SUPT3H: variants seen among roughly 807,000 people sequenced by gnomAD.
SUPT3H encodes SPT3 homolog, SAGA and STAGA complex component.
SUPT3H carries 44 observed loss-of-function variants against 44.3 expected under a neutral mutation model. The ratio of observed to expected loss-of-function variants is 0.99; its 90% confidence interval spans 0.78 to 1.28. The LOEUF is 1.28. Among genes scored for constraint, SUPT3H ranks in the 50% most tolerant of loss-of-function variants. The probability of loss-of-function intolerance (pLI) is 0.00; values close to 1 mark genes in which losing one functional copy is unlikely to be tolerated. For synonymous variants in SUPT3H, 124 were observed against 125.6 expected (o/e 0.99, Z 0.09); for missense variants, 380 against 387.1 (o/e 0.98, Z 0.15).
chr6:44,939,682 C>T (rs1772087753), intron 9 of SUPT3H, among the ~76,000 whole-genome samples: 1 of 152,018 alleles, frequency 6.6e-6, no homozygotes, highest in Non-Finnish European at 1.5e-5. Context: ...CCATCTGGTC[C>T]TGAATTCTTT....
intron 10 of SUPT3H, among the ~76,000 whole-genome samples, chr6:44,878,788 G>A (rs1777721140): frequency 6.6e-6 from 1 of 152,088 alleles, no homozygotes; most frequent in Non-Finnish European, 1.5e-5. Context: ...GCCGAAGCAG[G>A]GTGGGGCGTT....
At chr6:45,146,075 T>A (rs1337865728) in intron 2 of SUPT3H, among the ~76,000 whole-genome samples, 1 of 152,092 alleles carries the variant, frequency 6.6e-6, no homozygotes, top group Admixed American at 6.6e-5. Flanking sequence ...GGTGGGAACA[T>A]AAACTAGTAC....
intron 2 of SUPT3H, among the ~76,000 whole-genome samples, chr6:45,265,088 G>T (rs1263860415): frequency 6.6e-6 from 1 of 151,976 alleles, no homozygotes; most frequent in Non-Finnish European, 1.5e-5. Flanking sequence ...CAAATCCAGT[G>T]CATTTCCTCA....
intron 10 of SUPT3H, among the ~76,000 whole-genome samples, chr6:44,837,171 T>C (rs1770068262): frequency 6.6e-6 from 1 of 152,144 alleles, no homozygotes; most frequent in African/African-American, 2.4e-5. Flanking sequence ...GGCCAAAAAG[T>C]GCCAAATTGG....
At chr6:45,080,533 T>C (rs879864713) in intron 3 of SUPT3H, among the ~76,000 whole-genome samples, 11 of 152,038 alleles carry the variant, frequency 7.2e-5, no homozygotes, top group Middle Eastern at 3.4e-3. Flanking sequence ...GCAACATAAG[T>C]GTCCATCAAC....
At chr6:45,076,094 C>A (rs1248117300) in intron 3 of SUPT3H, among the ~76,000 whole-genome samples, 1 of 151,666 alleles carries the variant, frequency 6.6e-6, no homozygotes, top group Non-Finnish European at 1.5e-5. Flanking sequence ...TGACTGCATC[C>A]CAAATATATT....
At chr6:45,128,221 T>C (rs1802734991) in intron 2 of SUPT3H, among the ~76,000 whole-genome samples, 1 of 151,788 alleles carries the variant, frequency 6.6e-6, no homozygotes, top group Admixed American at 6.6e-5. Flanking sequence ...AAAATATAAT[T>C]ATCAGCCAGG....
At chr6:45,310,248 C>G (rs887668105) in intron 2 of SUPT3H, among the ~76,000 whole-genome samples, 1 of 152,058 alleles carries the variant, frequency 6.6e-6, no homozygotes, top group African/African-American at 2.4e-5. Flanking sequence ...GGGAATCTCA[C>G]CCCATCCCCC....
chr6:44,906,984 C>T (rs1446493832), intron 10 of SUPT3H, among the ~76,000 whole-genome samples: 1 of 152,184 alleles, frequency 6.6e-6, no homozygotes, highest in Non-Finnish European at 1.5e-5. Context: ...ACGGACACAA[C>T]CTTCAAGTGA....
chr6:45,032,181 T>A (rs186727229), intron 3 of SUPT3H, among the ~76,000 whole-genome samples: 2 of 152,132 alleles, frequency 1.3e-5, no homozygotes, highest in Non-Finnish European at 2.9e-5. Flanking sequence ...TATCCAAAGA[T>A]TGCTTGCATA....
intron 11 of SUPT3H, among the ~76,000 whole-genome samples, chr6:44,815,523 A>G (rs943126747): frequency 6.6e-6 from 1 of 152,216 alleles, no homozygotes; most frequent in South Asian, 2.1e-4. Context: ...AAGATGAAGT[A>G]GATTTATTAA....
chr6:45,261,075 A>C (rs548661652), intron 2 of SUPT3H, among the ~76,000 whole-genome samples: 1 of 152,034 alleles, frequency 6.6e-6, no homozygotes, highest in South Asian at 2.1e-4. Context: ...AAACCCTACC[A>C]ATCAAAACCA....
intron 2 of SUPT3H, among the ~76,000 whole-genome samples, chr6:45,234,128 A>T (rs1311469111): frequency 6.6e-6 from 1 of 152,208 alleles, no homozygotes; most frequent in Admixed American, 6.5e-5. Context: ...CTATGTAAAT[A>T]TTACCTATGT....
At chr6:45,019,189 T>C (rs1280676580) in intron 4 of SUPT3H, among the ~76,000 whole-genome samples, 5 of 152,192 alleles carry the variant, frequency 3.3e-5, no homozygotes, top group Non-Finnish European at 5.9e-5. Flanking sequence ...GGATTGGTGG[T>C]GATATCCCCT....
chr6:45,298,803 T>C (rs938471056), intron 2 of SUPT3H, among the ~76,000 whole-genome samples: 4 of 152,152 alleles, frequency 2.6e-5, no homozygotes, highest in South Asian at 4.1e-4. Flanking sequence ...CTCTAGAATA[T>C]AGGAAACCTT....
chr6:44,861,960 T>G (rs2153425858), intron 10 of SUPT3H, among the ~76,000 whole-genome samples: 1 of 152,264 alleles, frequency 6.6e-6, no homozygotes, highest in South Asian at 2.1e-4. Context: ...ACTGAAAAGT[T>G]GACAGTACCT....
intron 10 of SUPT3H, among the ~76,000 whole-genome samples, chr6:44,868,449 C>A (rs1478012224): frequency 4.6e-5 from 7 of 152,184 alleles, no homozygotes; most frequent in African/African-American, 1.7e-4. Context: ...CACCATCTAC[C>A]TGCCTGGATG....
At chr6:45,254,000 GAT>G (rs1296238009) in intron 2 of SUPT3H, among the ~76,000 whole-genome samples, 2 of 151,064 alleles carry the variant, frequency 1.3e-5, no homozygotes, top group Admixed American at 1.3e-4. Flanking sequence ...TATCATTACT[GAT>G]ATGTGAAGCA....
At chr6:45,166,808 T>C (rs1423999187) in intron 2 of SUPT3H, among the ~76,000 whole-genome samples, 3 of 152,066 alleles carry the variant, frequency 2.0e-5, no homozygotes, top group African/African-American at 7.2e-5. Context: ...GGAATGCAAA[T>C]TAAAACAACA....
Sources: allele counts gnomAD v4.1 joint callset (sites outside exome capture counted in the v4.1 genomes callset), GRCh38; gene constraint gnomAD v4.1.1; transcripts MANE v1.5; gene names NCBI Gene and HGNC (gene_info 2026-07-23, HGNC 2026-07-21).